Variants in HTT observed in about 807,000 individuals in gnomAD.
HTT encodes huntington disease protein.
Under a neutral mutation model 362.3 loss-of-function variants are expected in HTT, and 104 were observed. The observed-to-expected ratio is 0.29, with a 90% CI of 0.24 to 0.34. HTT has a LOEUF of 0.34. Among genes scored for constraint, HTT ranks in the 10% least tolerant of loss-of-function variants. The probability of loss-of-function intolerance (pLI) is 1.00; values close to 1 mark genes in which losing one functional copy is unlikely to be tolerated. For synonymous variants in HTT, 1,577 were observed against 1,548.7 expected, an observed-to-expected ratio of 1.02 and a Z score of -0.43; for missense variants, 3,301 against 3,928.6, an observed-to-expected ratio of 0.84 and a Z score of 4.27.
chr4:3,175,153 G>C (rs773671282), intron 33 of HTT, 46 bp downstream of exon 33: 1 of 1,523,514 alleles, frequency 6.6e-7, no homozygotes, highest in Non-Finnish European at 9.0e-7. Flanking sequence ...TCCTAATTTA[G>C]TACAAATTAC....
At chr4:3,088,772 C>T (rs1415297947) in intron 2 of HTT, among the ~76,000 whole-genome samples, 1 of 151,730 alleles carries the variant, frequency 6.6e-6, no homozygotes, top group Admixed American at 6.6e-5. Context: ...ATTTTTAATG[C>T]CTCTGTGCAT....
intron 7 of HTT, 84 bp downstream of exon 7, chr4:3,115,529 C>T: frequency 8.8e-7 from 1 of 1,137,246 alleles, no homozygotes; most frequent in Non-Finnish European, 1.3e-6. Context: ...GATGATCCCT[C>T]AGCTTCTAGA....
chr4:3,130,404 C>A lies in HTT; in HGVS notation c.1967C>A (p.Pro656Gln). The A allele has an allele frequency of 1.3e-6, 2 of 1,596,272 alleles. No individual in the cohort carries two copies. The highest frequency in any genetic ancestry group is 1.7e-6 in the Non-Finnish European group (2 of 1,167,794). ...KFVLRDEATE[P>Q]GDQENKPCRI... is the part of the protein sequence containing the mutation. ...GTGTTGAGAGATGAAGCTACTGAAC[C>A]GGGTGATCAAGAAAACAAGGTGAGG... The change falls in exon 14 of 67, where the codon CCG (proline) becomes CAG (glutamine). Residue 656 changes from proline to glutamine, a missense_variant. This residue lies in a region of HTT where 2,316 missense variants were observed against 2,658.5 expected (regional missense o/e 0.87). Coordinates refer to ENST00000355072, the MANE Select transcript of HTT (RefSeq NM_001388492.1).
chr4:3,214,236 A>G (rs1018900436), intron 50 of HTT, 101 bp downstream of exon 50: 5 of 918,102 alleles, frequency 5.4e-6, no homozygotes, highest in Non-Finnish European at 7.4e-6. Context: ...TAAGCTAGGA[A>G]TTGGGGATGG....
intron 29 of HTT, among the ~76,000 whole-genome samples, chr4:3,167,633 T>A (rs1478883502): frequency 6.6e-6 from 1 of 152,164 alleles, no homozygotes. Context: ...TCAGTTACAG[T>A]CAGTGAATGT....
intron 64 of HTT, among the ~76,000 whole-genome samples, chr4:3,236,664 G>C (rs527777674): frequency 6.6e-6 from 1 of 152,178 alleles, no homozygotes; most frequent in Non-Finnish European, 1.5e-5. Flanking sequence ...GAGGGGGGCC[G>C]TGGTGCCTGT....
intron 56 of HTT, 119 bp from the exon 57 acceptor site, chr4:3,225,542 G>A (rs969952044): frequency 3.9e-6 from 3 of 759,806 alleles, no homozygotes; most frequent in Non-Finnish European, 6.5e-6. Context: ...TGCCAGTGGC[G>A]GCGAGGGCAG....
Position 3,235,754 on chromosome 4 carries a change from C to T in HTT, c.8761C>T (p.Leu2921=). Residue 2921 remains leucine, a synonymous_variant, in exon 63 of 67, where the codon CTG becomes TTG. Transcript: ENST00000355072. The part of the protein sequence containing the change: ...SPHRAMAALG[L]MLTCMYTGKE... ...GCACCGGGCCATGGCGGCTCTGGGCCTGATGCTCACCTGCATGTACACAGG... is the reference window on the plus strand; with the variant it reads ...GCACCGGGCCATGGCGGCTCTGGGCTTGATGCTCACCTGCATGTACACAGG... 7 of 1,610,150 alleles carry T rather than the reference C, an allele frequency of 4.3e-6. No individual in the cohort carries two copies. Among genetic ancestry groups the T allele is most frequent in the Non-Finnish European group, 5.9e-6 (7 of 1,179,870 alleles).
rs140919237 is a variant in HTT at position 3,214,825 on chromosome 4, C to T, written c.6953-285C>T. ...TGATGATTTTGATAGTATCTTGAGC[C>T]GTCTCATAATAACCTCAGGGTGAGA... On this transcript the variant is annotated intron_variant, in intron 50 of 66. Transcript: ENST00000355072. Among the ~76,000 whole-genome samples the T allele has an allele frequency of 2.7e-5, 4 of 149,952 alleles. No individual in the cohort carries two copies. In the East Asian group the frequency reaches 5.8e-4, roughly 22 times the overall value.
At chr4:3,120,413 T>C (rs773766442) in intron 8 of HTT, among the ~76,000 whole-genome samples, 9 of 152,206 alleles carry the variant, frequency 5.9e-5, no homozygotes, top group Non-Finnish European at 8.8e-5. Flanking sequence ...TAATGTGATA[T>C]AGCAGGGGTC....
intron 4 of HTT, among the ~76,000 whole-genome samples, chr4:3,104,330 CAG>C (rs893124089): frequency 6.6e-6 from 1 of 150,974 alleles, no homozygotes; most frequent in South Asian, 2.2e-4. Context: ...CTAAAACAGT[CAG>C]GGCACAGTGG....
At chr4:3,134,225 C>T (rs1479717622) in intron 18 of HTT, among the ~76,000 whole-genome samples, 176 bp from the exon 19 acceptor site, 1 of 152,172 alleles carries the variant, frequency 6.6e-6, no homozygotes, top group Non-Finnish European at 1.5e-5. Flanking sequence ...CTTGTATTTA[C>T]TGAGATAAAG....
At chr4:3,177,248 A>G in intron 33 of HTT, 84 bp from the exon 34 acceptor site, 4 of 863,060 alleles carry the variant, frequency 4.6e-6, no homozygotes, top group East Asian at 2.5e-5. Context: ...TTTAAAATTT[A>G]TGCAGATAAG....
At chr4:3,082,433 G>T (rs772374651) in intron 1 of HTT, among the ~76,000 whole-genome samples, 1 of 152,154 alleles carries the variant, frequency 6.6e-6, no homozygotes, top group Non-Finnish European at 1.5e-5. Flanking sequence ...ACCTTATAAA[G>T]CACTGTTTAA....
chr4:3,236,407 C>T (rs891007988), intron 64 of HTT, among the ~76,000 whole-genome samples, 153 bp downstream of exon 64: 3 of 152,196 alleles, frequency 2.0e-5, no homozygotes, highest in Non-Finnish European at 4.4e-5. Context: ...TGCCTTGGCT[C>T]AGGGTTCCAC....
chr4:3,083,528 TATACACACACACACACACACAC>T (rs1161351944), intron 1 of HTT, among the ~76,000 whole-genome samples: 5 of 83,900 alleles, frequency 6.0e-5, no homozygotes, highest in African/African-American at 3.9e-4. Flanking sequence ...TGTCTCTAAA[TATACACACACACACACACACAC>T]ACACACACAC....
At chr4:3,209,057 G>A (rs1415876843) in intron 46 of HTT, 146 bp downstream of exon 46, 52 of 879,418 alleles carry the variant, frequency 5.9e-5, no homozygotes, top group East Asian at 1.1e-4. Context: ...GGTTAGAGAC[G>A]TGGGGGGCCA....
Position 3,074,924 on chromosome 4 carries a change from G to GCAA in HTT, c.101_102insACA (p.Gln38dup). Reference sequence around the variant, plus strand: ...AGCAGCAGCAGCAGCAGCAGCAGCAGCAGCAGCAGCAACAGCCGCCACCGC... The same window carrying GCAA: ...AGCAGCAGCAGCAGCAGCAGCAGCAGCAACAGCAGCAGCAACAGCCGCCACCGC... On this transcript the variant is annotated inframe_insertion, in exon 1 of 67. Coordinates refer to ENST00000355072, the MANE Select transcript of HTT (RefSeq NM_001388492.1). 2 of 1,302,874 alleles carry GCAA rather than the reference G, an allele frequency of 1.5e-6. No individual in the cohort carries two copies. Among genetic ancestry groups the GCAA allele is most frequent in the Non-Finnish European group, 1.0e-6 (1 of 990,026 alleles). 80.7% of individuals were successfully genotyped at this position (1,302,874 alleles called of 1,614,324 possible). A position where few individuals can be genotyped will look rare whatever the true frequency, so the allele number is the denominator to read the frequency against.
At chr4:3,101,635 T>G (rs1197287584) in intron 3 of HTT, among the ~76,000 whole-genome samples, 1 of 152,230 alleles carries the variant, frequency 6.6e-6, no homozygotes, top group Non-Finnish European at 1.5e-5. Flanking sequence ...TAGGTTCTAC[T>G]TAGCCCAAGA....
Sources: allele counts gnomAD v4.1 joint callset (sites outside exome capture counted in the v4.1 genomes callset), GRCh38; gene constraint gnomAD v4.1.1; regional missense constraint gnomAD v4.1.1; transcripts MANE v1.5; gene names NCBI Gene and HGNC (gene_info 2026-07-23, HGNC 2026-07-21).